Variants in NRG2 observed in about 807,000 individuals in gnomAD.
NRG2 encodes the protein pro-neuregulin-2, membrane-bound isoform.
Under a neutral mutation model 73.9 loss-of-function variants are expected in NRG2, and 27 were observed. The ratio of observed to expected loss-of-function variants is 0.37; its 90% confidence interval spans 0.27 to 0.50. The LOEUF (loss-of-function observed/expected upper bound fraction) is 0.50. Ranked by LOEUF, NRG2 falls within the 20% of genes least tolerant of loss-of-function variation. The pLI is 0.96. For synonymous variants in NRG2, 532 were observed against 541.0 expected, an observed-to-expected ratio of 0.98 and a Z score of 0.23; for missense variants, 1,126 against 1,210.1, an observed-to-expected ratio of 0.93 and a Z score of 1.03.
chr5:139,939,506 C>T (rs1442555114), intron 1 of NRG2, among the ~76,000 whole-genome samples: 2 of 152,028 alleles, frequency 1.3e-5, no homozygotes, highest in Non-Finnish European at 2.9e-5. Context: ...AACTCCTGGC[C>T]TCAAGTGATC....
chr5:139,893,269 G>A (rs1337981441), intron 1 of NRG2, among the ~76,000 whole-genome samples: 2 of 152,172 alleles, frequency 1.3e-5, no homozygotes, highest in Non-Finnish European at 2.9e-5. Context: ...ATATTAGGTT[G>A]TCTCCAACGT....
Position 139,852,677 on chromosome 5 carries a change from T to G in NRG2, c.1417-118A>C. The G allele has an allele frequency of 6.8e-7, 1 of 1,473,696 alleles. No individual in the cohort carries two copies. Among genetic ancestry groups the G allele is most frequent in the Non-Finnish European group, 9.2e-7 (1 of 1,083,586 alleles). 91.3% of individuals were successfully genotyped at this position (1,473,696 alleles called of 1,614,324 possible). A position where few individuals can be genotyped will look rare whatever the true frequency, so the allele number is the denominator to read the frequency against. ...CTCCTGGTTGGGGAGACCCACTGTGTGAGAGTGACTTGATGTTGGGGCAGC... is the reference window on the plus strand; with the variant it reads ...CTCCTGGTTGGGGAGACCCACTGTGGGAGAGTGACTTGATGTTGGGGCAGC... On this transcript the variant is annotated intron_variant, in intron 7 of 9. Transcript: ENST00000361474. The surrounding 1 kb of genome is among the most constrained non-coding windows in gnomAD (Gnocchi z 4.4).
chr5:139,858,910 C>A (rs539539718), intron 5 of NRG2, among the ~76,000 whole-genome samples: 34 of 152,306 alleles, frequency 2.2e-4, no homozygotes, highest in African/African-American at 8.2e-4. Flanking sequence ...CTATCTTCTA[C>A]TGAGAACAGC....
Position 139,960,343 on chromosome 5 carries a change from A to T in NRG2, c.701-72832T>A, listed in dbSNP as rs565622027. Among the ~76,000 whole-genome samples the T allele has an allele frequency of 1.2e-4, 18 of 152,238 alleles. No homozygotes were observed. The South Asian group carries it at 3.3e-3, about 28-fold the overall frequency. On this transcript the variant is annotated intron_variant, in intron 1 of 9. Coordinates refer to ENST00000361474, the MANE Select transcript of NRG2 (RefSeq NM_004883.3). ...CAGCCCAGCCAACGTGGTGAAACCCAGTTTCTACTAAAAATATAAAAATTA... is the reference window on the plus strand; with the variant it reads ...CAGCCCAGCCAACGTGGTGAAACCCTGTTTCTACTAAAAATATAAAAATTA...
intron 5 of NRG2, chr5:139,861,626 G>A (rs1762150114): frequency 2.2e-6 from 1 of 450,572 alleles, no homozygotes; most frequent in Non-Finnish European, 4.5e-6. Context: ...TTGACGTTTT[G>A]GTTTCTTTGC....
At chr5:139,931,347 ATAG>A (rs1358010402) in intron 1 of NRG2, among the ~76,000 whole-genome samples, 2 of 152,212 alleles carry the variant, frequency 1.3e-5, no homozygotes, top group Non-Finnish European at 2.9e-5. Context: ...AAATTTAAAC[ATAG>A]TAGTTCAGAG....
chr5:139,913,504 A>T (rs992668619), intron 1 of NRG2, among the ~76,000 whole-genome samples: 13 of 152,310 alleles, frequency 8.5e-5, no homozygotes, highest in Middle Eastern at 3.4e-3. Context: ...AACACTACTA[A>T]CCCACCCTCT....
At position 139,870,367 on chromosome 5, in the gene NRG2, C is replaced by T. The variant is rs544799055; in HGVS notation, c.1112+1354G>A. ...AGGTGGCAGCAGGGGCAGGGTGGGG[C>T]CAGGGAGGAAGCCAGCTGAGGAGGC... On this transcript the variant is annotated intron_variant, in intron 4 of 9. Transcript: ENST00000361474. The surrounding 1 kb of genome is among the most constrained non-coding windows in gnomAD (Gnocchi z 4.4). Among the ~76,000 whole-genome samples the T allele has an allele frequency of 1.3e-5, 2 of 152,192 alleles. No individual in the cohort carries two copies. The highest frequency in any genetic ancestry group is 4.2e-4 in the South Asian group (2 of 4,806).
At chr5:139,967,050 G>T (rs1033860751) in intron 1 of NRG2, among the ~76,000 whole-genome samples, 3 of 152,196 alleles carry the variant, frequency 2.0e-5, no homozygotes, top group African/African-American at 7.2e-5. Flanking sequence ...CCAGGGGATT[G>T]CAGGAGACCT....
chr5:139,972,037 A>C (rs980039277), intron 1 of NRG2, among the ~76,000 whole-genome samples: 4 of 152,246 alleles, frequency 2.6e-5, no homozygotes, highest in African/African-American at 9.6e-5. Context: ...AGAATAGATC[A>C]ATCAGTGGAA....
chr5:139,971,251 G>A (rs1448260419), intron 1 of NRG2, among the ~76,000 whole-genome samples: 2 of 152,144 alleles, frequency 1.3e-5, no homozygotes, highest in Non-Finnish European at 2.9e-5. Context: ...GCTCCTCCAC[G>A]ATCACTCTGC....
chr5:139,904,268 C>T lies in NRG2; in HGVS notation c.701-16757G>A. On this transcript the variant is annotated intron_variant, in intron 1 of 9. Coordinates refer to ENST00000361474, the MANE Select transcript of NRG2 (RefSeq NM_004883.3). This position sits in a 1 kb window ranked among gnomAD's most constrained non-coding sequence, Gnocchi z 6.0. ...GGGTGAGCGGGCGGCAGGTTTCTCC[C>T]AGGGAAACCGGGTTTCTGGGCGCGC... 6.3e-7 allele frequency: 1 copy of T among 1,577,218 alleles called. No homozygotes were observed. The highest frequency in any genetic ancestry group is 8.5e-7 in the Non-Finnish European group (1 of 1,170,452).
chr5:139,895,030 G>A (rs1191765897), intron 1 of NRG2, among the ~76,000 whole-genome samples: 1 of 152,210 alleles, frequency 6.6e-6, no homozygotes, highest in Non-Finnish European at 1.5e-5. Context: ...AGGAGGAGGA[G>A]ACAAAACTTG....
intron 1 of NRG2, among the ~76,000 whole-genome samples, chr5:139,988,288 T>G (rs1487181085): frequency 6.6e-6 from 1 of 152,056 alleles, no homozygotes; most frequent in African/African-American, 2.4e-5. Context: ...ATCCAGCAAT[T>G]GAGCTCTCTG....
chr5:139,986,924 C>A (rs1273430825), intron 1 of NRG2, among the ~76,000 whole-genome samples: 1 of 151,974 alleles, frequency 6.6e-6, no homozygotes, highest in African/African-American at 2.4e-5. Context: ...CTTAACCTTT[C>A]CAAATTGACT....
intron 1 of NRG2, among the ~76,000 whole-genome samples, chr5:140,010,627 G>A (rs938687876): frequency 6.6e-6 from 1 of 151,886 alleles, no homozygotes; most frequent in African/African-American, 2.4e-5. Context: ...AAAAAAAACA[G>A]GACAGAAAAT....
chr5:139,863,030 G>A (rs769966697), intron 5 of NRG2, among the ~76,000 whole-genome samples: 4 of 152,180 alleles, frequency 2.6e-5, no homozygotes, highest in Non-Finnish European at 5.9e-5. Context: ...CCCTGCCCCC[G>A]CATACCAGTT....
chr5:140,018,009 A>G (rs748167907), intron 1 of NRG2, among the ~76,000 whole-genome samples: 3 of 152,150 alleles, frequency 2.0e-5, no homozygotes, highest in Non-Finnish European at 2.9e-5. Context: ...TATAAAGGTC[A>G]GTTTGCATTC....
chr5:139,997,215 C>T (rs978920013), intron 1 of NRG2, among the ~76,000 whole-genome samples: 3 of 152,006 alleles, frequency 2.0e-5, no homozygotes, highest in African/African-American at 7.2e-5. Flanking sequence ...GAGGAGAACT[C>T]CTCCAATTTT....
Sources: gnomAD v4.1 joint callset for allele counts (sites outside exome capture counted in the v4.1 genomes callset) on GRCh38, gnomAD v4.1.1 for gene constraint, Gnocchi (gnomAD v3.1) non-coding constraint, MANE v1.5 for transcripts, NCBI Gene and HGNC (gene_info 2026-07-23, HGNC 2026-07-21) for gene names.